Variants in NOL7 observed in about 807,000 individuals in gnomAD.
The protein encoded by NOL7 is U3 small nucleolar RNA-associated protein NOL7.
NOL7 carries 36 observed loss-of-function variants against 38.4 expected under a neutral mutation model. That is an observed-to-expected ratio of 0.94 (90% CI 0.72 to 1.24). The LOEUF (loss-of-function observed/expected upper bound fraction) is 1.24, where lower values mean the gene tolerates loss of function less well. Ranked by LOEUF, NOL7 falls within the 50% of genes most tolerant of loss-of-function variation. NOL7 has a pLI of 0.00. For synonymous variants in NOL7, 142 were observed against 126.5 expected, an observed-to-expected ratio of 1.12 and a Z score of -0.82; for missense variants, 350 against 315.1, an observed-to-expected ratio of 1.11 and a Z score of -0.84.
intron 8 of NOL7, among the ~76,000 whole-genome samples, chr6:13,631,510 A>G (rs1764780414): frequency 6.6e-6 from 1 of 152,178 alleles, no homozygotes. Flanking sequence ...GGAGCACTTC[A>G]GATTTTCGGA....
chr6:13,628,362 A>G (rs1237384032), intron 8 of NOL7, among the ~76,000 whole-genome samples: 1 of 152,224 alleles, frequency 6.6e-6, no homozygotes, highest in African/African-American at 2.4e-5. Context: ...CACACAGTAC[A>G]TTACTATTGA....
At chr6:13,615,803 A>G (rs770042334) in intron 2 of NOL7, 31 bp downstream of exon 2, 48 of 1,591,458 alleles carry the variant, frequency 3.0e-5, no homozygotes, top group Middle Eastern at 3.4e-4. Flanking sequence ...TGTCTTATTA[A>G]AACAACTCGG....
intron 5 of NOL7, among the ~76,000 whole-genome samples, chr6:13,619,103 T>A (rs976728770): frequency 6.6e-6 from 1 of 152,240 alleles, no homozygotes; most frequent in Non-Finnish European, 1.5e-5. Flanking sequence ...ATTCAGGCAG[T>A]TTAATTTTTC....
At chr6:13,631,933 TTA>T (rs900726982) in intron 8 of NOL7, among the ~76,000 whole-genome samples, 2 of 152,144 alleles carry the variant, frequency 1.3e-5, no homozygotes, top group Non-Finnish European at 2.9e-5. Context: ...GAACCATGTG[TTA>T]TACATCCAAA....
rs1764427840 is a variant in NOL7 at position 13,620,941 on chromosome 6, C to T, written c.*114C>T. ...AATCATAAACCTATTTGAGGAAGTG[C>T]TCAACCACATTTCATTCTTCTGGAG... On this transcript the variant is annotated 3_prime_UTR_variant, in exon 8 of 8. Transcript: ENST00000451315. The T allele has an allele frequency of 3.1e-6, 2 of 649,324 alleles. No homozygotes were observed. Among genetic ancestry groups the T allele is most frequent in the Non-Finnish European group, 5.1e-6 (2 of 390,652 alleles). The allele number at this position is 649,324 out of a possible 1,614,324, so 40.2% of individuals were successfully genotyped here. A position where few individuals can be genotyped will look rare whatever the true frequency, so the allele number is the denominator to read the frequency against.
chr6:13,615,639 G>A lies in NOL7; in HGVS notation c.266+15G>A, dbSNP rs766667814. On this transcript the variant is annotated intron_variant, in intron 1 of 7. Transcript: ENST00000451315. ...ACCGTGCGCAGGTTCGGAGCCCGCT[G>A]CCCGGCGGGGAGAACCGCCCTTTCT... The A allele has an allele frequency of 1.9e-6, 3 of 1,609,530 alleles. No homozygotes were observed. The highest frequency in any genetic ancestry group is 2.5e-6 in the Non-Finnish European group (3 of 1,177,524).
intron 8 of NOL7, among the ~76,000 whole-genome samples, chr6:13,627,271 C>A (rs896652181): frequency 6.6e-6 from 1 of 152,144 alleles, no homozygotes; most frequent in Admixed American, 6.5e-5. Flanking sequence ...CCAACCCACA[C>A]TTCCCAACCC....
Position 13,620,321 on chromosome 6 carries a change from GGAC to G in NOL7, c.615_617del (p.Arg205_Thr206delinsSer), listed in dbSNP as rs1387858019. The G allele has an allele frequency of 3.4e-5, 55 of 1,613,802 alleles. No individual in the cohort carries two copies. The highest frequency in any genetic ancestry group is 4.4e-5 in the Non-Finnish European group (52 of 1,179,986). ...TCATTATATGGGCCAGGAACCAACA[GGAC>G]TACTGGTAATTTTTTTATGGACTAT... On this transcript the variant is annotated inframe_deletion, in exon 6 of 8. Coordinates refer to ENST00000451315, the MANE Select transcript of NOL7 (RefSeq NM_016167.5).
downstream of NOL7, among the ~76,000 whole-genome samples, chr6:13,623,111 T>C (rs954372674): frequency 6.6e-6 from 1 of 152,098 alleles, no homozygotes; most frequent in African/African-American, 2.4e-5. Context: ...ATTTTCAGGG[T>C]CCTGCATATC....
chr6:13,625,360 A>G (rs919464568), downstream of NOL7, among the ~76,000 whole-genome samples: 2 of 152,128 alleles, frequency 1.3e-5, no homozygotes, highest in Non-Finnish European at 2.9e-5. Flanking sequence ...TCTCATTCTA[A>G]TGAGAGAAGT....
chr6:13,615,345 G>C lies in NOL7; in HGVS notation c.-14G>C, dbSNP rs557883719. ...TCCGGGTCAGAGGTCAGACGGTCTA[G>C]CGCTGCGTGGGCCATGGTGCAGCTC... On this transcript the variant is annotated 5_prime_UTR_variant, in exon 1 of 8. Transcript: ENST00000451315. 3.2e-4 allele frequency: 472 copies of C among 1,474,584 alleles called. No homozygotes were observed. The African/African-American group carries it at 6.2e-3, about 19-fold the overall frequency. The allele number at this position is 1,474,584 out of a possible 1,614,324, so 91.3% of individuals were successfully genotyped here.
At chr6:13,625,534 T>C, downstream of NOL7, 3 of 589,142 alleles carry the variant, frequency 5.1e-6, no homozygotes, top group Non-Finnish European at 8.8e-6. Flanking sequence ...TTTTATATTT[T>C]AAAAATATAG....
rs928171338 is a variant in NOL7 at position 13,615,373 on chromosome 6, A to G, written c.15A>G (p.Arg5=). Residue 5 remains arginine, a synonymous_variant, in exon 1 of 8, where the codon CGA becomes CGG. Coordinates refer to ENST00000451315, the MANE Select transcript of NOL7 (RefSeq NM_016167.5). ...CTGCGTGGGCCATGGTGCAGCTCCG[A>G]CCGCGAGCGTCTCGCGCCCCGGCGT... MVQL[R]PRASRAPASA... The G allele has an allele frequency of 3.6e-5, 54 of 1,512,658 alleles. No homozygotes were observed. The highest frequency in any genetic ancestry group is 8.6e-5 in the Admixed American group (4 of 46,700). The allele number at this position is 1,512,658 out of a possible 1,614,324, so 93.7% of individuals were successfully genotyped here.
At position 13,620,836 on chromosome 6, in the gene NOL7, T is replaced by C; in HGVS notation, c.*9T>C. The stretch of plus-strand genomic sequence containing the variant: ...TGAAAACTAAGAAGTAAATCAATGC[T>C]AAATGAAGAATCTGTACTTTGTATG... On this transcript the variant is annotated 3_prime_UTR_variant, in exon 8 of 8. Transcript: ENST00000451315. The C allele has an allele frequency of 6.6e-7, 1 of 1,521,026 alleles. No homozygotes were observed. Among genetic ancestry groups the C allele is most frequent in the East Asian group, 2.3e-5 (1 of 44,266 alleles). The allele number at this position is 1,521,026 out of a possible 1,614,324, so 94.2% of individuals were successfully genotyped here.
intron 6 of NOL7, 24 bp downstream of exon 6, chr6:13,620,353 TCTCA>T (rs1764409195): frequency 2.5e-6 from 4 of 1,613,868 alleles, no homozygotes; most frequent in African/African-American, 1.3e-5. Context: ...GGACTATTTT[TCTCA>T]CTTTTTACTG....
intron 2 of NOL7, among the ~76,000 whole-genome samples, chr6:13,616,163 G>C (rs1764281770): frequency 6.6e-6 from 1 of 152,206 alleles, no homozygotes; most frequent in Non-Finnish European, 1.5e-5. Flanking sequence ...TTTGCTGTCT[G>C]ATACTCGACA....
chr6:13,629,557 G>C (rs1764716966), intron 8 of NOL7, among the ~76,000 whole-genome samples: 1 of 152,120 alleles, frequency 6.6e-6, no homozygotes, highest in African/African-American at 2.4e-5. Flanking sequence ...TTAGAATCTG[G>C]AGCAGTTTCT....
At chr6:13,622,110 C>A, downstream of NOL7, 1 of 256,344 alleles carries the variant, frequency 3.9e-6, no homozygotes, top group Non-Finnish European at 7.1e-6. Context: ...TTGTGATGAT[C>A]AATTTGAACG....
intron 8 of NOL7, among the ~76,000 whole-genome samples, chr6:13,630,606 C>A (rs1209224686): frequency 1.3e-5 from 2 of 151,954 alleles, no homozygotes; most frequent in Non-Finnish European, 2.9e-5. Flanking sequence ...GTCCAAAAAC[C>A]TTTCAGGGGA....
Sources: allele counts gnomAD v4.1 joint callset (sites outside exome capture counted in the v4.1 genomes callset), GRCh38; gene constraint gnomAD v4.1.1; transcripts MANE v1.5; gene names NCBI Gene and HGNC (gene_info 2026-07-23, HGNC 2026-07-21).